OPCML: variants seen among roughly 807,000 people sequenced by gnomAD.
The protein encoded by OPCML is opioid binding protein/cell adhesion molecule like, also known as opioid-binding protein/cell adhesion molecule.
OPCML carries 13 observed loss-of-function variants against 37.8 expected under a neutral mutation model. The ratio of observed to expected loss-of-function variants is 0.34; its 90% CI spans 0.22 to 0.55. OPCML has a LOEUF of 0.55. Ranked by LOEUF, OPCML falls within the 20% of genes least tolerant of loss-of-function variation. The pLI is 0.91. For missense variants in OPCML, 341 were observed against 435.6 expected, an observed-to-expected ratio of 0.78 and a Z score of 1.93; for synonymous variants, 176 against 168.8, an observed-to-expected ratio of 1.04 and a Z score of -0.33.
chr11:133,274,833 G>A (rs1941948132), intron 1 of OPCML, among the ~76,000 whole-genome samples: 1 of 152,194 alleles, frequency 6.6e-6, no homozygotes, highest in African/African-American at 2.4e-5. Context: ...TCCTTCAAAT[G>A]CTGTAGAAGA....
intron 2 of OPCML, among the ~76,000 whole-genome samples, chr11:132,685,446 C>T (rs1591724460): frequency 6.6e-6 from 1 of 152,154 alleles, no homozygotes; most frequent in Non-Finnish European, 1.5e-5. Flanking sequence ...TTTTTCATGA[C>T]ACACCGGGTC....
Position 133,013,344 on chromosome 11 carries a change from C to G in OPCML, c.62-70334G>C, listed in dbSNP as rs551198127. On this transcript the variant is annotated intron_variant, in intron 1 of 7. Transcript: ENST00000524381. ...ATGCAATGAATTCAAAAGACTAGTT[C>G]AAACAATGCACATATCCAATTTATG... Among the ~76,000 whole-genome samples the G allele has an allele frequency of 1.2e-4, 18 of 152,212 alleles. No homozygotes were observed. In the South Asian group the frequency reaches 3.7e-3, roughly 32 times the overall value.
chr11:132,637,864 G>A (rs1784511), intron 3 of OPCML, among the ~76,000 whole-genome samples: 16,073 of 151,994 alleles, frequency 0.11, 1,268 homozygotes, highest in African/African-American at 0.23. Flanking sequence ...GGACCCAGAG[G>A]TCACCTGCTC....
chr11:133,509,458 T>C (rs1948107437), intron 1 of OPCML, among the ~76,000 whole-genome samples: 1 of 152,228 alleles, frequency 6.6e-6, no homozygotes, highest in Non-Finnish European at 1.5e-5. Flanking sequence ...ATTTTCTTTA[T>C]CCACTCTATC....
intron 1 of OPCML, among the ~76,000 whole-genome samples, chr11:133,283,085 G>A (rs1592165061): frequency 6.6e-6 from 1 of 152,168 alleles, no homozygotes; most frequent in East Asian, 1.9e-4. Context: ...AAGGCTTTGA[G>A]GGACTGTTGG....
At chr11:133,002,066 G>C (rs2136849431) in intron 1 of OPCML, among the ~76,000 whole-genome samples, 1 of 152,318 alleles carries the variant, frequency 6.6e-6, no homozygotes, top group Admixed American at 6.5e-5. Context: ...CAGATGGTTA[G>C]ACTGGGATTG....
intron 1 of OPCML, among the ~76,000 whole-genome samples, chr11:133,000,448 A>G (rs989028002): frequency 1.3e-5 from 2 of 152,214 alleles, no homozygotes; most frequent in African/African-American, 4.8e-5. Context: ...ATAAACCTGT[A>G]GTTACAGATG....
At chr11:132,723,378 G>A (rs2135985681) in intron 2 of OPCML, among the ~76,000 whole-genome samples, 1 of 152,238 alleles carries the variant, frequency 6.6e-6, no homozygotes, top group Admixed American at 6.5e-5. Context: ...GCAGATTTGG[G>A]GTGATATCTG....
At chr11:132,514,031 T>G (rs1045429290) in intron 4 of OPCML, among the ~76,000 whole-genome samples, 1 of 152,304 alleles carries the variant, frequency 6.6e-6, no homozygotes, top group Non-Finnish European at 1.5e-5. Context: ...CCAGATGCAA[T>G]ACATTTAGCC....
intron 1 of OPCML, among the ~76,000 whole-genome samples, chr11:133,452,728 T>C (rs1946604334): frequency 6.6e-6 from 1 of 151,572 alleles, no homozygotes. Flanking sequence ...CTACATGACA[T>C]TGAGTGAGAC....
intron 2 of OPCML, among the ~76,000 whole-genome samples, chr11:132,750,627 C>T (rs1945799500): frequency 6.6e-6 from 1 of 152,160 alleles, no homozygotes; most frequent in South Asian, 2.1e-4. Flanking sequence ...TTTGCTTATG[C>T]ATACATAACT....
intron 1 of OPCML, among the ~76,000 whole-genome samples, chr11:133,207,117 A>G (rs1386492703): frequency 1.7e-5 from 2 of 115,112 alleles, no homozygotes; most frequent in Non-Finnish European, 3.8e-5. Flanking sequence ...GAAACCCTCT[A>G]CTAAAAAAAA....
chr11:132,433,419 G>A (rs2096003833), intron 7 of OPCML, among the ~76,000 whole-genome samples: 1 of 152,124 alleles, frequency 6.6e-6, no homozygotes, highest in African/African-American at 2.4e-5. Context: ...AGCATTTATG[G>A]GATTCTGAAT....
intron 1 of OPCML, among the ~76,000 whole-genome samples, chr11:133,148,359 G>A (rs1397424373): frequency 6.6e-6 from 1 of 152,168 alleles, no homozygotes; most frequent in Non-Finnish European, 1.5e-5. Context: ...AAACTTGGAG[G>A]GAACGTGCAA....
intron 1 of OPCML, among the ~76,000 whole-genome samples, chr11:132,987,461 A>C (rs2136808047): frequency 6.6e-6 from 1 of 152,278 alleles, no homozygotes; most frequent in Admixed American, 6.5e-5. Context: ...GACAGAAATA[A>C]GGATGCAGAG....
intron 1 of OPCML, among the ~76,000 whole-genome samples, chr11:133,223,924 A>C (rs747843472): frequency 6.6e-5 from 10 of 152,090 alleles, no homozygotes; most frequent in African/African-American, 1.2e-4. Context: ...AACACCACCA[A>C]CGTGGCCAGT....
intron 2 of OPCML, among the ~76,000 whole-genome samples, chr11:132,843,804 C>T (rs1191912043): frequency 1.3e-5 from 2 of 152,188 alleles, no homozygotes; most frequent in Non-Finnish European, 2.9e-5. Flanking sequence ...TTTGTAGATT[C>T]TGCTGAATTT....
intron 1 of OPCML, among the ~76,000 whole-genome samples, chr11:133,497,986 T>C (rs1947821586): frequency 6.6e-6 from 1 of 152,192 alleles, no homozygotes; most frequent in Non-Finnish European, 1.5e-5. Flanking sequence ...CTTCCCAGGC[T>C]CCATCCTCTG....
chr11:132,531,746 T>C (rs2096325564), intron 3 of OPCML, among the ~76,000 whole-genome samples: 2 of 130,672 alleles, frequency 1.5e-5, no homozygotes, highest in Non-Finnish European at 3.1e-5. Context: ...TTGAGAAACA[T>C]GTTCTACCCG....
Sources: gnomAD v4.1 joint callset for allele counts (sites outside exome capture counted in the v4.1 genomes callset) on GRCh38, gnomAD v4.1.1 for gene constraint, MANE v1.5 for transcripts, NCBI Gene and HGNC (gene_info 2026-07-23, HGNC 2026-07-21) for gene names.